Variants in DIRAS2 observed in about 807,000 individuals in gnomAD.
DIRAS2 encodes the protein GTP-binding protein Di-Ras2.
Under a neutral mutation model 13.9 loss-of-function variants are expected in DIRAS2, and 5 were observed. That is an observed-to-expected ratio of 0.36 (90% CI 0.19 to 0.76). DIRAS2 has a LOEUF of 0.76. Among genes scored for constraint, DIRAS2 ranks in the 30% least tolerant of loss-of-function variants. DIRAS2 has a pLI of 0.53. For missense variants in DIRAS2, 191 were observed against 263.0 expected, an observed-to-expected ratio of 0.73 and a Z score of 1.89; for synonymous variants, 111 against 105.4, an observed-to-expected ratio of 1.05 and a Z score of -0.33.
intron 1 of DIRAS2, among the ~76,000 whole-genome samples, chr9:90,620,726 G>A (rs925607676): frequency 3.3e-5 from 5 of 151,298 alleles, no homozygotes; most frequent in South Asian, 2.1e-4. Context: ...CTGACAGAGT[G>A]AGACTCCGCT....
chr9:90,640,173 G>A (rs907312916), intron 1 of DIRAS2, among the ~76,000 whole-genome samples: 5 of 151,942 alleles, frequency 3.3e-5, no homozygotes, highest in Non-Finnish European at 7.4e-5. Flanking sequence ...TTTCCATTAC[G>A]ACCATTAGGA....
In DIRAS2 at chr9:90,610,270, C is replaced by A. The variant is rs1484027679; in HGVS notation, c.*2958G>T. The A allele has an allele frequency of 2.5e-6, 1 of 394,872 alleles. No homozygotes were observed. Among genetic ancestry groups the A allele is most frequent in the Non-Finnish European group, 4.5e-6 (1 of 224,556 alleles). 24.5% of individuals were successfully genotyped at this position (394,872 alleles called of 1,614,324 possible). A position where few individuals can be genotyped will look rare whatever the true frequency, so the allele number is the denominator to read the frequency against. ...TATTACAAACAGTGAAACAAATATA[C>A]TAGCTTACAGATATGTACAATTTAT... On this transcript the variant is annotated 3_prime_UTR_variant, in exon 2 of 2. Transcript: ENST00000375765.
chr9:90,634,326 G>T (rs1825352100), intron 1 of DIRAS2, among the ~76,000 whole-genome samples: 1 of 152,180 alleles, frequency 6.6e-6, no homozygotes, highest in Admixed American at 6.5e-5. Flanking sequence ...ATACAGTAAG[G>T]ACCTAGGAGC....
intron 1 of DIRAS2, among the ~76,000 whole-genome samples, chr9:90,619,797 A>G (rs1215075061): frequency 2.0e-5 from 3 of 152,224 alleles, no homozygotes; most frequent in Admixed American, 6.5e-5. Flanking sequence ...AAACAGCACA[A>G]ATGTTTGTAA....
At chr9:90,639,611 T>C (rs1295506560) in intron 1 of DIRAS2, among the ~76,000 whole-genome samples, 1 of 152,208 alleles carries the variant, frequency 6.6e-6, no homozygotes, top group African/African-American at 2.4e-5. Context: ...TAGAAGTTAG[T>C]AGTGGTGCAA....
chr9:90,629,823 C>A (rs1825306932), intron 1 of DIRAS2, among the ~76,000 whole-genome samples: 1 of 152,158 alleles, frequency 6.6e-6, no homozygotes. Context: ...AGTACGGGCA[C>A]AACCATCTTT....
chr9:90,639,828 A>C (rs369822613), intron 1 of DIRAS2, among the ~76,000 whole-genome samples: 1 of 152,230 alleles, frequency 6.6e-6, no homozygotes, highest in South Asian at 2.1e-4. Context: ...AGGAAAGAGA[A>C]GGACACATAA....
intron 1 of DIRAS2, among the ~76,000 whole-genome samples, chr9:90,620,261 TG>T (rs1408210964): frequency 6.6e-6 from 1 of 152,184 alleles, no homozygotes; most frequent in Admixed American, 6.5e-5. Context: ...CATTATCTAC[TG>T]AAAATGATTC....
chr9:90,611,642 C>A lies in DIRAS2; in HGVS notation c.*1586G>T. ...GCAGGAGGTGGCCTGGTCAAACATC[C>A]CCAACTTAAGCCCTCCCTGTGCTGA... On this transcript the variant is annotated 3_prime_UTR_variant, in exon 2 of 2. Coordinates refer to ENST00000375765, the MANE Select transcript of DIRAS2 (RefSeq NM_017594.5). 1 of 152,396 alleles carries A rather than the reference C, an allele frequency of 6.6e-6. No homozygotes were observed. The highest frequency in any genetic ancestry group is 1.5e-5 in the Non-Finnish European group (1 of 68,120). 9.4% of individuals were successfully genotyped at this position (152,396 alleles called of 1,614,324 possible).
chr9:90,636,188 C>A (rs1356704836), intron 1 of DIRAS2, among the ~76,000 whole-genome samples: 3 of 151,820 alleles, frequency 2.0e-5, no homozygotes, highest in Non-Finnish European at 2.9e-5. Context: ...CAGGCGCCCG[C>A]CACCACACCC....
chr9:90,636,450 T>C (rs866121524), intron 1 of DIRAS2, among the ~76,000 whole-genome samples: 10 of 152,166 alleles, frequency 6.6e-5, no homozygotes, highest in Non-Finnish European at 1.5e-4. Flanking sequence ...AAAGTTACCA[T>C]GCAAAAATCA....
rs567150812 is a variant in DIRAS2, at chr9:90,613,059, C to T, written c.*169G>A. 3.1e-4 allele frequency: 290 copies of T among 924,316 alleles called. 1 individual carries two copies. Among genetic ancestry groups the T allele is most frequent in the Non-Finnish European group, 4.3e-4 (274 of 630,580 alleles). 57.3% of individuals were successfully genotyped at this position (924,316 alleles called of 1,614,324 possible). On this transcript the variant is annotated 3_prime_UTR_variant, in exon 2 of 2. Coordinates refer to ENST00000375765, the MANE Select transcript of DIRAS2 (RefSeq NM_017594.5). The surrounding 1 kb of genome is among the most constrained non-coding windows in gnomAD (Gnocchi z 5.6). ...GATTCTGTGACTCCAGAGTGGGTGGCTTACTGTTGGTGGTGTGAAACGCCC... is the reference window on the plus strand; with the variant it reads ...GATTCTGTGACTCCAGAGTGGGTGGTTTACTGTTGGTGGTGTGAAACGCCC...
rs892984436 is a variant in DIRAS2, at chr9:90,610,445, C to T, written c.*2783G>A. The T allele has an allele frequency of 1.3e-5, 5 of 398,790 alleles. No individual in the cohort carries two copies. In the Admixed American group the frequency reaches 1.8e-4, roughly 14 times the overall value. 24.7% of individuals were successfully genotyped at this position (398,790 alleles called of 1,614,324 possible). A position where few individuals can be genotyped will look rare whatever the true frequency, so the allele number is the denominator to read the frequency against. ...CTTGTCGCTGGATGGAGGAGGGGCT[C>T]ATGGGGATAGAAGGGAAGTCATGGA... is the stretch of plus-strand genomic sequence containing the variant. On this transcript the variant is annotated 3_prime_UTR_variant, in exon 2 of 2. Coordinates refer to ENST00000375765, the MANE Select transcript of DIRAS2 (RefSeq NM_017594.5).
At chr9:90,630,589 A>G (rs1825315652) in intron 1 of DIRAS2, among the ~76,000 whole-genome samples, 1 of 152,252 alleles carries the variant, frequency 6.6e-6, no homozygotes, top group Non-Finnish European at 1.5e-5. Context: ...AGCAACCATG[A>G]AAACATTTTC....
At chr9:90,641,314 C>T (rs74517319) in intron 1 of DIRAS2, among the ~76,000 whole-genome samples, 5,048 of 152,266 alleles carry the variant, frequency 0.033, 185 homozygotes, top group African/African-American at 0.093. Flanking sequence ...ACATACTTCC[C>T]ATCTGCAGGG....
intron 1 of DIRAS2, among the ~76,000 whole-genome samples, chr9:90,642,153 T>A (rs1249000464): frequency 1.3e-5 from 2 of 152,276 alleles, no homozygotes; most frequent in Non-Finnish European, 2.9e-5. Context: ...GCAGTCATTG[T>A]CATCTGATGG....
chr9:90,615,552 G>A (rs765000314), intron 1 of DIRAS2, among the ~76,000 whole-genome samples: 7 of 152,130 alleles, frequency 4.6e-5, no homozygotes, highest in Non-Finnish European at 5.9e-5. Flanking sequence ...AAACTCAATC[G>A]TGTCTTAGTT....
At chr9:90,632,057 T>G (rs1825329460) in intron 1 of DIRAS2, among the ~76,000 whole-genome samples, 1 of 152,224 alleles carries the variant, frequency 6.6e-6, no homozygotes, top group Non-Finnish European at 1.5e-5. Flanking sequence ...TTCTCCATTG[T>G]TAGCAGGCTC....
At chr9:90,638,586 G>A (rs540517681) in intron 1 of DIRAS2, among the ~76,000 whole-genome samples, 2 of 152,260 alleles carry the variant, frequency 1.3e-5, no homozygotes, top group South Asian at 4.1e-4. Flanking sequence ...CTTTTTAAGT[G>A]TCAGATGATT....
Sources: gnomAD v4.1 joint callset for allele counts (sites outside exome capture counted in the v4.1 genomes callset) on GRCh38, gnomAD v4.1.1 for gene constraint, Gnocchi (gnomAD v3.1) non-coding constraint, MANE v1.5 for transcripts, NCBI Gene and HGNC (gene_info 2026-07-23, HGNC 2026-07-21) for gene names.